TRMT11: variants seen among roughly 807,000 people sequenced by gnomAD.
The protein encoded by TRMT11 is tRNA (guanine(10)-N(2))-methyltransferase TRMT11.
A neutral mutation model predicts 62.8 loss-of-function variants in TRMT11; 53 were observed. The observed-to-expected ratio is 0.84, with a 90% CI of 0.68 to 1.06. The LOEUF (loss-of-function observed/expected upper bound fraction) is 1.06. TRMT11 is among the 50% of genes least tolerant of loss of function. The pLI is 0.00. For missense variants in TRMT11, 556 were observed against 553.4 expected (o/e 1.00, Z -0.05); for synonymous variants, 188 against 190.3 (o/e 0.99, Z 0.10).
chr6:126,063,667 C>G (rs1048346730), intron 17 of TRMT11, among the ~76,000 whole-genome samples: 5 of 152,200 alleles, frequency 3.3e-5, no homozygotes, highest in African/African-American at 1.2e-4. Flanking sequence ...TTCCATCATG[C>G]TTGGAGGTGA....
chr6:126,223,801 T>C, the TRMT11 span, among the ~76,000 whole-genome samples: 1 of 152,324 alleles, frequency 6.6e-6, no homozygotes, highest in South Asian at 2.1e-4. Flanking sequence ...CAAAGAGTTG[T>C]AGGTTTCATG....
intron 21 of TRMT11, among the ~76,000 whole-genome samples, chr6:126,127,552 G>A (rs1322202602): frequency 1.3e-5 from 2 of 151,376 alleles, no homozygotes; most frequent in African/African-American, 4.9e-5. Flanking sequence ...TGTGCACAAC[G>A]TGCAGGTTTG....
chr6:126,234,587 T>C, the TRMT11 span, among the ~76,000 whole-genome samples: 2 of 152,178 alleles, frequency 1.3e-5, no homozygotes, highest in Non-Finnish European at 1.5e-5. Context: ...ATCAGGAAGA[T>C]ACCTGATTTG....
At chr6:126,113,854 G>C (rs548529491) in intron 18 of TRMT11, among the ~76,000 whole-genome samples, 1 of 152,136 alleles carries the variant, frequency 6.6e-6, no homozygotes, top group East Asian at 1.9e-4. Flanking sequence ...AGTTTCAAAA[G>C]ATCCTCAATA....
At chr6:126,018,073 A>T (rs1410309966) in intron 11 of TRMT11, among the ~76,000 whole-genome samples, 1 of 152,238 alleles carries the variant, frequency 6.6e-6, no homozygotes, top group Non-Finnish European at 1.5e-5. Context: ...GTTAGTGATA[A>T]CATGATGACA....
chr6:126,174,023 G>A (rs982875968), upstream of TRMT11, among the ~76,000 whole-genome samples: 3 of 152,170 alleles, frequency 2.0e-5, no homozygotes, highest in Non-Finnish European at 4.4e-5. Flanking sequence ...GTTCCTAGGA[G>A]CTTGCTGGAC....
chr6:126,093,621 A>ATTTTTTT (rs1225083747), intron 17 of TRMT11, among the ~76,000 whole-genome samples: 2 of 90,248 alleles, frequency 2.2e-5, no homozygotes, highest in African/African-American at 1.9e-4. Flanking sequence ...ATATATATAT[A>ATTTTTTT]TATATATATA....
At chr6:126,230,247 A>G in the TRMT11 span, among the ~76,000 whole-genome samples, 1 of 152,164 alleles carries the variant, frequency 6.6e-6, no homozygotes, top group Non-Finnish European at 1.5e-5. Flanking sequence ...CCCTCTTCCT[A>G]ACAACTTCTA....
chr6:126,154,339 ATGTGTG>A (rs66827988), intron 21 of TRMT11, among the ~76,000 whole-genome samples: 1 of 122,946 alleles, frequency 8.1e-6, no homozygotes, highest in Non-Finnish European at 1.9e-5. Flanking sequence ...GTGTGTGTGT[ATGTGTG>A]TGTGTGTGTG....
intron 17 of TRMT11, among the ~76,000 whole-genome samples, chr6:126,111,734 C>T (rs2128188195): frequency 6.6e-6 from 1 of 152,230 alleles, no homozygotes; most frequent in East Asian, 1.9e-4. Flanking sequence ...AGTAGAGCCA[C>T]TGACTCTATG....
chr6:126,077,820 A>G (rs1401828698), intron 17 of TRMT11, among the ~76,000 whole-genome samples: 3 of 152,184 alleles, frequency 2.0e-5, no homozygotes, highest in African/African-American at 4.8e-5. Context: ...AAATCAGTAT[A>G]TTATTAATAC....
the TRMT11 span, among the ~76,000 whole-genome samples, chr6:126,252,386 C>T: frequency 6.6e-6 from 1 of 152,222 alleles, no homozygotes; most frequent in Non-Finnish European, 1.5e-5. Flanking sequence ...ATTTCTTACA[C>T]AGCAACTCCA....
chr6:126,038,926 G>A lies in TRMT11; in HGVS notation c.*90G>A. ...CTTTCATGTATGATCCAGAAAATAG[G>A]TACGGTTTTAAAATATTTTATATAG... On this transcript the variant is annotated 3_prime_UTR_variant, in exon 13 of 13. Transcript: ENST00000334379. 9.3e-7 allele frequency: 1 copy of A among 1,072,070 alleles called. No individual in the cohort carries two copies. The highest frequency in any genetic ancestry group is 1.3e-6 in the Non-Finnish European group (1 of 760,226). 66.4% of individuals were successfully genotyped at this position (1,072,070 alleles called of 1,614,324 possible).
chr6:126,139,821 A>C (rs568313999), intron 21 of TRMT11, among the ~76,000 whole-genome samples: 1 of 152,266 alleles, frequency 6.6e-6, no homozygotes, highest in Admixed American at 6.5e-5. Flanking sequence ...CTAACAATTC[A>C]CAAGTTAATT....
At chr6:126,232,315 T>C in the TRMT11 span, among the ~76,000 whole-genome samples, 1 of 152,148 alleles carries the variant, frequency 6.6e-6, no homozygotes, top group Non-Finnish European at 1.5e-5. Flanking sequence ...CTCTTACATT[T>C]TCTTTACTGA....
chr6:126,175,491 GC>G (rs1388146177), upstream of TRMT11, among the ~76,000 whole-genome samples: 1 of 152,142 alleles, frequency 6.6e-6, no homozygotes, highest in Non-Finnish European at 1.5e-5. Flanking sequence ...GCTAAAAACT[GC>G]CCTCAAATAT....
the TRMT11 span, among the ~76,000 whole-genome samples, chr6:126,221,619 T>C: frequency 8.5e-4 from 130 of 152,318 alleles, no homozygotes; most frequent in African/African-American, 3.1e-3. Context: ...TGCTAATTTG[T>C]TTAAGTTCCT....
chr6:126,252,235 G>T, the TRMT11 span, among the ~76,000 whole-genome samples: 1 of 152,196 alleles, frequency 6.6e-6, no homozygotes, highest in African/African-American at 2.4e-5. Flanking sequence ...GGGACTTGGC[G>T]GTGCCCCCTG....
At chr6:126,248,429 T>C in the TRMT11 span, among the ~76,000 whole-genome samples, 5 of 151,986 alleles carry the variant, frequency 3.3e-5, no homozygotes, top group African/African-American at 1.2e-4. Flanking sequence ...ACCTTTTCTG[T>C]AACTGCATGA....
Sources: gnomAD v4.1 joint callset for allele counts (sites outside exome capture counted in the v4.1 genomes callset) on GRCh38, gnomAD v4.1.1 for gene constraint, MANE v1.5 for transcripts, NCBI Gene and HGNC (gene_info 2026-07-23, HGNC 2026-07-21) for gene names.